C2CD2: variants seen among roughly 807,000 people sequenced by gnomAD.
C2CD2 encodes the protein C2 calcium dependent domain containing 2, also known as C2 domain-containing protein 2.
Under a neutral mutation model 74.3 loss-of-function variants are expected in C2CD2, and 43 were observed. The ratio of observed to expected loss-of-function variants is 0.58; its 90% CI spans 0.45 to 0.75. C2CD2 has a LOEUF of 0.75. Ranked by LOEUF, C2CD2 falls within the 30% of genes least tolerant of loss-of-function variation. C2CD2 has a pLI of 0.00. For missense variants in C2CD2, 801 were observed against 916.3 expected (o/e 0.87, Z 1.63); for synonymous variants, 422 against 390.7 (o/e 1.08, Z -0.94).
At chr21:41,915,993 C>T (rs529314071) in intron 5 of C2CD2, among the ~76,000 whole-genome samples, 3 of 152,224 alleles carry the variant, frequency 2.0e-5, no homozygotes, top group African/African-American at 7.2e-5. Context: ...TGACTGAGCA[C>T]TTCTTCGGGG....
chr21:41,948,870 C>CTTTCTTTT (rs2065424529), intron 1 of C2CD2, among the ~76,000 whole-genome samples: 1 of 80,686 alleles, frequency 1.2e-5, no homozygotes, highest in Non-Finnish European at 2.3e-5. Context: ...CACACAGCAT[C>CTTTCTTTT]TTTTTTTTTT....
At chr21:41,910,145 C>T (rs2065010507) in intron 7 of C2CD2, among the ~76,000 whole-genome samples, 2 of 152,142 alleles carry the variant, frequency 1.3e-5, no homozygotes, top group Admixed American at 1.3e-4. Context: ...GTAACCTATT[C>T]TTTTAACTGA....
intron 8 of C2CD2, among the ~76,000 whole-genome samples, chr21:41,909,065 T>C (rs766397354): frequency 1.7e-4 from 26 of 152,360 alleles, no homozygotes; most frequent in Non-Finnish European, 3.2e-4. Context: ...CTGAACTATG[T>C]ACTTAGAAAT....
intron 6 of C2CD2, 32 bp from the exon 7 acceptor site, chr21:41,912,472 G>T: frequency 1.7e-6 from 2 of 1,156,456 alleles, no homozygotes; most frequent in Non-Finnish European, 2.3e-6. Context: ...TCGTGTTGGC[G>T]TTTATTTTTA....
At chr21:41,921,021 A>T (rs1490113309) in intron 3 of C2CD2, among the ~76,000 whole-genome samples, 1 of 152,168 alleles carries the variant, frequency 6.6e-6, no homozygotes, top group Non-Finnish European at 1.5e-5. Flanking sequence ...ATTCCCTCAA[A>T]GGGGGTGCTG....
chr21:41,893,289 C>T (rs144899366), intron 13 of C2CD2, among the ~76,000 whole-genome samples: 46 of 152,248 alleles, frequency 3.0e-4, no homozygotes, highest in Non-Finnish European at 5.4e-4. Flanking sequence ...TTTGCTTGAG[C>T]ACAAGAATTC....
intron 9 of C2CD2, 28 bp from the exon 10 acceptor site, chr21:41,907,194 T>C (rs758864072): frequency 6.2e-7 from 1 of 1,606,874 alleles, no homozygotes; most frequent in Non-Finnish European, 8.5e-7. Context: ...TACTTGTTTC[T>C]GGTTTTGTGG....
chr21:41,909,765 T>C (rs1047794853), intron 7 of C2CD2, among the ~76,000 whole-genome samples: 8 of 152,118 alleles, frequency 5.3e-5, no homozygotes, highest in African/African-American at 1.9e-4. Flanking sequence ...GTGATGGCAG[T>C]GACAGAGAAG....
At chr21:41,918,821 G>A (rs368208486) in intron 4 of C2CD2, 35 bp downstream of exon 4, 273 of 1,511,230 alleles carry the variant, frequency 1.8e-4, no homozygotes, top group East Asian at 1.4e-3. Context: ...GCGTTCTCAC[G>A]CCAATGGAAG....
At chr21:41,944,068 G>A (rs536592176) in intron 1 of C2CD2, among the ~76,000 whole-genome samples, 5 of 152,300 alleles carry the variant, frequency 3.3e-5, no homozygotes, top group East Asian at 1.9e-4. Context: ...CCAGCCGCTC[G>A]GAGGATGCAG....
intron 2 of C2CD2, among the ~76,000 whole-genome samples, chr21:41,928,002 T>A (rs2065230201): frequency 6.6e-6 from 1 of 152,100 alleles, no homozygotes; most frequent in African/African-American, 2.4e-5. Context: ...TGCAAGGAGG[T>A]GTTGTTAATG....
intron 1 of C2CD2, among the ~76,000 whole-genome samples, chr21:41,944,172 T>C (rs991899074): frequency 1.3e-5 from 2 of 152,334 alleles, no homozygotes; most frequent in African/African-American, 4.8e-5. Flanking sequence ...AGGCGGCAGA[T>C]GCAGTGTTTA....
intron 5 of C2CD2, among the ~76,000 whole-genome samples, chr21:41,916,744 T>A (rs1409436385): frequency 6.6e-6 from 1 of 151,690 alleles, no homozygotes; most frequent in Non-Finnish European, 1.5e-5. Flanking sequence ...TCCTGACCAA[T>A]ATAATATACA....
intron 2 of C2CD2, among the ~76,000 whole-genome samples, chr21:41,925,437 T>C (rs2065200451): frequency 6.6e-6 from 1 of 152,146 alleles, no homozygotes; most frequent in Non-Finnish European, 1.5e-5. Flanking sequence ...TGAGCCGTGA[T>C]TGTGCCACTG....
chr21:41,914,968 A>G (rs2065071964), intron 5 of C2CD2, among the ~76,000 whole-genome samples: 1 of 152,226 alleles, frequency 6.6e-6, no homozygotes, highest in Non-Finnish European at 1.5e-5. Context: ...AGCAAGTACA[A>G]GTAGCAGTGC....
chr21:41,953,305 G>A, intron 1 of C2CD2, 65 bp downstream of exon 1: 2 of 1,151,992 alleles, frequency 1.7e-6, no homozygotes, highest in African/African-American at 1.6e-5. Context: ...CTCCAGGAAA[G>A]ACCTCGGCCC....
In C2CD2 at chr21:41,889,001, T is replaced by C; in HGVS notation, c.*123A>G. The C allele has an allele frequency of 2.7e-6, 2 of 742,638 alleles. No individual in the cohort carries two copies. Among genetic ancestry groups the C allele is most frequent in the East Asian group, 2.7e-5 (1 of 37,060 alleles). The allele number at this position is 742,638 out of a possible 1,614,324, so 46.0% of individuals were successfully genotyped here. On this transcript the variant is annotated 3_prime_UTR_variant, in exon 14 of 14. Transcript: ENST00000380486. Reference sequence around the variant, plus strand: ...GTTTTCCCTTTAAATGACGAGATGGTTGGAAGAAACCCAGCAAGACAAGCG... The same window carrying C: ...GTTTTCCCTTTAAATGACGAGATGGCTGGAAGAAACCCAGCAAGACAAGCG...
rs770432330 is a variant in C2CD2 at position 41,907,038 on chromosome 21, C to T, written c.1272G>A (p.Lys424=). The T allele has an allele frequency of 8.1e-6, 13 of 1,614,032 alleles. No homozygotes were observed. Among genetic ancestry groups the T allele is most frequent in the Non-Finnish European group, 1.1e-5 (13 of 1,180,002 alleles). Residue 424 remains lysine, a synonymous_variant, in exon 10 of 14, where the codon AAG becomes AAA. Transcript: ENST00000380486. ...GTVVTTVTAV[K]TKPRVDVGRA... is the part of the protein sequence containing the mutation. Reference sequence around the variant, plus strand: ...TCCCCACGTCGACGCGAGGCTTGGTCTTCACAGCAGTGACAGTAGTGACCA... The same window carrying T: ...TCCCCACGTCGACGCGAGGCTTGGTTTTCACAGCAGTGACAGTAGTGACCA...
intron 13 of C2CD2, among the ~76,000 whole-genome samples, chr21:41,893,072 T>C (rs1205032536): frequency 6.6e-6 from 1 of 152,210 alleles, no homozygotes; most frequent in East Asian, 1.9e-4. Flanking sequence ...TTTGGGAGGC[T>C]GAGGTTTGGA....
Sources: gnomAD v4.1 joint callset for allele counts (sites outside exome capture counted in the v4.1 genomes callset) on GRCh38, gnomAD v4.1.1 for gene constraint, MANE v1.5 for transcripts, NCBI Gene and HGNC (gene_info 2026-07-23, HGNC 2026-07-21) for gene names.